The following COL4A2 variants were observed in gnomAD, a reference collection of about 807,000 sequenced individuals.
The protein encoded by COL4A2 is collagen type IV alpha 2 chain.
A neutral mutation model predicts 200.2 loss-of-function variants in COL4A2; 99 were observed. The ratio of observed to expected loss-of-function variants is 0.49; its 90% confidence interval spans 0.42 to 0.58. The LOEUF is 0.58. COL4A2 is among the 20% of genes least tolerant of loss of function. The pLI, the probability that COL4A2 is intolerant of heterozygous loss-of-function variation, is 0.00. For missense variants in COL4A2, 1,950 were observed against 2,314.1 expected, an observed-to-expected ratio of 0.84 and a Z score of 3.23; for synonymous variants, 897 against 900.6, an observed-to-expected ratio of 1.00 and a Z score of 0.07.
chr13:110,463,250 C>G (rs573354593), intron 24 of COL4A2: 9 of 152,582 alleles, frequency 5.9e-5, no homozygotes, highest in African/African-American at 2.2e-4. Context: ...CGGCTGTCTT[C>G]TCTCTGTCTT....
At chr13:110,485,592 T>G (rs1367748839) in intron 33 of COL4A2, 63 bp from the exon 34 acceptor site, 1 of 1,341,436 alleles carries the variant, frequency 7.5e-7, no homozygotes, top group African/African-American at 1.5e-5. Flanking sequence ...GCTGCAAAAT[T>G]GAAAACTGGA....
rs116320888 is a variant in COL4A2 at position 110,484,770 on chromosome 13, G to A, written c.2903-135G>A. ...TGGACACAGGAGAGGCTTCTCCGGC[G>A]CCCTTGGTCTCTCTCCAAGGCTTCC... is the stretch of plus-strand genomic sequence containing the variant. On this transcript the variant is annotated intron_variant, in intron 32 of 47. Transcript: ENST00000360467. 7.7e-3 allele frequency: 9,868 copies of A among 1,273,754 alleles called. 603 individuals are homozygous for A. The African/African-American group carries it at 0.13, about 17-fold the overall frequency. The allele number at this position is 1,273,754 out of a possible 1,614,324, so 78.9% of individuals were successfully genotyped here.
chr13:110,449,871 G>A, intron 19 of COL4A2, 82 bp downstream of exon 19: 2 of 1,410,980 alleles, frequency 1.4e-6, no homozygotes, highest in Non-Finnish European at 1.9e-6. Flanking sequence ...AGACTTCGTT[G>A]ACGACGTAGC....
chr13:110,485,349 C>A (rs1429261765), intron 33 of COL4A2, among the ~76,000 whole-genome samples: 1 of 152,020 alleles, frequency 6.6e-6, no homozygotes, highest in East Asian at 1.9e-4. Context: ...CGGTGAAACC[C>A]CGTCTCTACT....
At position 110,387,256 on chromosome 13, in the gene COL4A2, A is replaced by T. The variant is rs183904393; in HGVS notation, c.180+29704A>T. ...TCCATCTCAAATAAGTAATAATAATAAAAAAAAGGAGCGACTGATACCCAC... is the reference window on the plus strand; with the variant it reads ...TCCATCTCAAATAAGTAATAATAATTAAAAAAAGGAGCGACTGATACCCAC... On this transcript the variant is annotated intron_variant, in intron 4 of 47. Coordinates refer to ENST00000360467, the MANE Select transcript of COL4A2 (RefSeq NM_001846.4). Among the ~76,000 whole-genome samples, 92 of 148,332 alleles carry T rather than the reference A, an allele frequency of 6.2e-4. No homozygotes were observed. The East Asian group carries it at 0.014, about 22-fold the overall frequency.
intron 4 of COL4A2, among the ~76,000 whole-genome samples, chr13:110,408,697 A>T (rs1185929651): frequency 2.6e-5 from 4 of 152,154 alleles, no homozygotes; most frequent in Admixed American, 6.5e-5. Flanking sequence ...TCCTTGCGGC[A>T]TTGCTCCTGC....
intron 4 of COL4A2, among the ~76,000 whole-genome samples, chr13:110,398,017 C>G (rs1460976565): frequency 6.7e-6 from 1 of 150,106 alleles, no homozygotes; most frequent in African/African-American, 2.5e-5. Flanking sequence ...AGCGAAAGAT[C>G]AACTCTCCAC....
Position 110,508,771 on chromosome 13 carries a change from G to A in COL4A2, c.4881+550G>A, listed in dbSNP as rs1440228542. Among the ~76,000 whole-genome samples the A allele has an allele frequency of 5.9e-5, 9 of 152,226 alleles. No individual in the cohort carries two copies. Among genetic ancestry groups the A allele is most frequent in the South Asian group, 2.1e-4 (1 of 4,822 alleles). ...CACAACCAGGACCTGGGAAGGCACCGCCCACCCTTCCGGATCGCCTTTGGG... is the reference window on the plus strand; with the variant it reads ...CACAACCAGGACCTGGGAAGGCACCACCCACCCTTCCGGATCGCCTTTGGG... On this transcript the variant is annotated intron_variant, in intron 47 of 47. Transcript: ENST00000360467. This position sits in a 1 kb window ranked among gnomAD's most constrained non-coding sequence, Gnocchi z 6.1.
Position 110,438,140 on chromosome 13 carries a change from C to T in COL4A2, c.861+103C>T, listed in dbSNP as rs961058195. 8 of 850,436 alleles carry T rather than the reference C, an allele frequency of 9.4e-6. No homozygotes were observed. The African/African-American group carries it at 1.4e-4, about 14-fold the overall frequency. The allele number at this position is 850,436 out of a possible 1,614,324, so 52.7% of individuals were successfully genotyped here. ...CCATGCGCTCGGGGCCCGCACACCGCCAGTCTCTCATCCCCTTGTCCATAG... is the reference window on the plus strand; with the variant it reads ...CCATGCGCTCGGGGCCCGCACACCGTCAGTCTCTCATCCCCTTGTCCATAG... On this transcript the variant is annotated intron_variant, in intron 14 of 47. Coordinates refer to ENST00000360467, the MANE Select transcript of COL4A2 (RefSeq NM_001846.4).
rs181379191 is a variant in COL4A2 at position 110,494,636 on chromosome 13, G to A, written c.3635-706G>A. On this transcript the variant is annotated intron_variant, in intron 39 of 47. Coordinates refer to ENST00000360467, the MANE Select transcript of COL4A2 (RefSeq NM_001846.4). ...GAAGAATGGCGTGAACCCGGGAGGC[G>A]GAGCTTGCAGTGAGCCGAGATCGCG... Among the ~76,000 whole-genome samples, 1,171 of 151,846 alleles carry A rather than the reference G, an allele frequency of 7.7e-3. 4 individuals carry two copies. The highest frequency in any genetic ancestry group is 0.012 in the Admixed American group (189 of 15,256).
chr13:110,456,700 T>C (rs1177904333), intron 20 of COL4A2: 1 of 466,836 alleles, frequency 2.1e-6, no homozygotes, highest in Non-Finnish European at 4.5e-6. Context: ...CTGGGCTGGG[T>C]GGGACACCAG....
chr13:110,340,882 G>A (rs1876417434), intron 3 of COL4A2: 1 of 152,282 alleles, frequency 6.6e-6, no homozygotes, highest in Non-Finnish European at 1.5e-5. Flanking sequence ...AGAGGACTCT[G>A]TTCCTTTCTG....
intron 3 of COL4A2, among the ~76,000 whole-genome samples, chr13:110,336,945 C>T (rs559927669): frequency 1.2e-4 from 19 of 152,278 alleles, no homozygotes; most frequent in South Asian, 4.2e-4. Flanking sequence ...TGCTCCTTCA[C>T]GGGACACTCA....
intron 5 of COL4A2, 31 bp downstream of exon 5, chr13:110,424,899 C>T (rs1880410262): frequency 6.2e-7 from 1 of 1,614,038 alleles, no homozygotes; most frequent in African/African-American, 1.3e-5. Flanking sequence ...CCCCTGGCCT[C>T]ATGAGGGTGG....
In COL4A2 at chr13:110,508,973, A is replaced by T. The variant is rs936541042; in HGVS notation, c.4881+752A>T. Among the ~76,000 whole-genome samples, 2 of 152,136 alleles carry T rather than the reference A, an allele frequency of 1.3e-5. No homozygotes were observed. The highest frequency in any genetic ancestry group is 6.6e-5 in the Admixed American group (1 of 15,258). ...TAAGATGAAGATACTATAAGTTGAA[A>T]GTGCGTTTTCAATTTATGATGGGTT... On this transcript the variant is annotated intron_variant, in intron 47 of 47. Coordinates refer to ENST00000360467, the MANE Select transcript of COL4A2 (RefSeq NM_001846.4). This position sits in a 1 kb window ranked among gnomAD's most constrained non-coding sequence, Gnocchi z 6.1.
chr13:110,425,007 A>G lies in COL4A2; in HGVS notation c.360+10A>G. Reference sequence around the variant, plus strand: ...TGCCGATGGAATTCCTGTAAGTTTTATGGAAGACTGGAATTTTAAAACATT... The same window carrying G: ...TGCCGATGGAATTCCTGTAAGTTTTGTGGAAGACTGGAATTTTAAAACATT... On this transcript the variant is annotated intron_variant, in intron 6 of 47. Transcript: ENST00000360467. 2 of 1,614,220 alleles carry G rather than the reference A, an allele frequency of 1.2e-6. No individual in the cohort carries two copies. The highest frequency in any genetic ancestry group is 1.7e-6 in the Non-Finnish European group (2 of 1,180,036).
intron 3 of COL4A2, among the ~76,000 whole-genome samples, chr13:110,351,214 ATTCTTTTT>A (rs1351636841): frequency 1.4e-5 from 1 of 73,444 alleles, no homozygotes; most frequent in African/African-American, 1.5e-4. Context: ...ACACCCAGCT[ATTCTTTTT>A]GTTTGTTTGT....
At chr13:110,475,518 A>C (rs4326915) in intron 29 of COL4A2, among the ~76,000 whole-genome samples, 64,967 of 152,084 alleles carry the variant, frequency 0.43, 13,962 homozygotes, top group Middle Eastern at 0.52. Context: ...AAACAAATGG[A>C]AGCAGGCTTA....
chr13:110,326,442 C>T (rs1377198115), intron 3 of COL4A2, among the ~76,000 whole-genome samples: 1 of 152,212 alleles, frequency 6.6e-6, no homozygotes, highest in Non-Finnish European at 1.5e-5. Flanking sequence ...CAGCCTTCTG[C>T]TCCCCTGAGT....
Sources: allele counts gnomAD v4.1 joint callset (sites outside exome capture counted in the v4.1 genomes callset), GRCh38; gene constraint gnomAD v4.1.1; non-coding constraint Gnocchi (gnomAD v3.1); transcripts MANE v1.5; gene names NCBI Gene and HGNC (gene_info 2026-07-23, HGNC 2026-07-21).